The following MSN variants were observed in gnomAD, a reference collection of about 807,000 sequenced individuals.
MSN encodes epididymis luminal protein 70.
Under a neutral mutation model 48.0 loss-of-function variants are expected in MSN, and 2 were observed. The observed-to-expected ratio is 0.04, with a 90% CI of 0.02 to 0.13. The LOEUF (loss-of-function observed/expected upper bound fraction) is 0.13. MSN is among the 10% of genes least tolerant of loss of function. The pLI, the probability that MSN is intolerant of heterozygous loss-of-function variation, is 1.00. For synonymous variants in MSN, 146 were observed against 166.9 expected (o/e 0.87, Z 0.97); for missense variants, 267 against 470.1 (o/e 0.57, Z 3.99).
chrX:65,605,282 G>A (rs1003716291), intron 1 of MSN, among the ~76,000 whole-genome samples: 3 of 112,472 alleles, frequency 2.7e-5, no homozygotes, highest in African/African-American at 9.7e-5. Context: ...CAGGTAGCAA[G>A]CCAGAAATCT....
intron 1 of MSN, among the ~76,000 whole-genome samples, chrX:65,613,170 C>G (rs140226580): frequency 6.2e-4 from 70 of 112,826 alleles, no homozygotes; most frequent in African/African-American, 2.2e-3. Context: ...ATGATGGTTT[C>G]CAGCTTCATC....
At position 65,730,457 on chromosome X, in the gene MSN, C is replaced by T. The variant is rs1216958554; in HGVS notation, c.468-650C>T. ...AAGCTTTGCTTCATTCTGGGAGCCT[C>T]AGTCCCATTGGAGTTATGGCATATA... is the stretch of plus-strand genomic sequence containing the variant. On this transcript the variant is annotated intron_variant, in intron 4 of 12. Transcript: ENST00000360270. 1.3e-4 allele frequency among the ~76,000 whole-genome samples: 15 copies of T among 111,490 alleles called. No homozygotes were observed. In the East Asian group the frequency reaches 4.2e-3, roughly 31 times the overall value.
intron 1 of MSN, among the ~76,000 whole-genome samples, chrX:65,648,998 T>C (rs2070717781): frequency 3.6e-5 from 4 of 110,860 alleles, no homozygotes; most frequent in African/African-American, 9.7e-5. Flanking sequence ...AAGATCCCAC[T>C]GTCCGTAAGT....
intron 1 of MSN, among the ~76,000 whole-genome samples, chrX:65,616,897 T>C (rs1444397525): frequency 9.0e-6 from 1 of 111,027 alleles, no homozygotes; most frequent in African/African-American, 3.3e-5. Context: ...ACCTAATTTA[T>C]TGAGAGTTTT....
chrX:65,639,756 T>C (rs190179109), intron 1 of MSN, among the ~76,000 whole-genome samples: 3 of 111,793 alleles, frequency 2.7e-5, no homozygotes, highest in Admixed American at 1.9e-4. Flanking sequence ...AGTCCCTTAC[T>C]ATTTGATGTC....
intron 1 of MSN, among the ~76,000 whole-genome samples, chrX:65,668,660 T>C (rs189804003): frequency 1.3e-4 from 15 of 111,940 alleles, no homozygotes; most frequent in Non-Finnish European, 7.5e-5. Flanking sequence ...CCCCACTGGC[T>C]GTTACGAGAG....
intron 1 of MSN, among the ~76,000 whole-genome samples, chrX:65,615,688 G>A (rs1448294863): frequency 9.4e-6 from 1 of 106,134 alleles, no homozygotes; most frequent in African/African-American, 3.5e-5. Context: ...TTCTTTTGCT[G>A]TGCAGAAGCT....
chrX:65,659,222 G>C (rs1330074158), intron 1 of MSN, among the ~76,000 whole-genome samples: 1 of 108,794 alleles, frequency 9.2e-6, no homozygotes, highest in African/African-American at 3.4e-5. Flanking sequence ...TGCAATCTTG[G>C]CTTACTGCAA....
chrX:65,702,598 G>C (rs1398111802), intron 1 of MSN, among the ~76,000 whole-genome samples: 2 of 110,728 alleles, frequency 1.8e-5, no homozygotes, highest in African/African-American at 6.6e-5. Flanking sequence ...CCCGGGAGAC[G>C]GGGGTTGCAG....
At chrX:65,654,769 T>TG (rs1298984356) in intron 1 of MSN, among the ~76,000 whole-genome samples, 12 of 111,608 alleles carry the variant, frequency 1.1e-4, no homozygotes, top group East Asian at 8.5e-4. Flanking sequence ...TGTGCTCTCA[T>TG]GGAGGTCTTA....
chrX:65,674,239 G>A (rs1418092105), intron 1 of MSN, among the ~76,000 whole-genome samples: 1 of 111,580 alleles, frequency 9.0e-6, no homozygotes, highest in Admixed American at 9.5e-5. Context: ...AAACTTTAGA[G>A]AGTAATTTCT....
intron 1 of MSN, among the ~76,000 whole-genome samples, chrX:65,689,857 T>C (rs1316542608): frequency 8.9e-6 from 1 of 112,411 alleles, no homozygotes; most frequent in Non-Finnish European, 1.9e-5. Context: ...CAATACATTT[T>C]AATTTTTTTT....
rs185999649 is a variant in MSN, at chrX:65,646,839, C to T, written c.-22+58227C>T. ...GTGCATGCCTGTAATCCCAGCTACT[C>T]GAGAGGCTGAGGCAGGAGAATCTCT... On this transcript the variant is annotated intron_variant, in intron 1 of 3. Coordinates refer to the MSN transcript ENST00000609672. 2.9e-4 allele frequency among the ~76,000 whole-genome samples: 32 copies of T among 111,005 alleles called. No individual in the cohort carries two copies. The East Asian group carries it at 8.3e-3, about 29-fold the overall frequency.
intron 1 of MSN, among the ~76,000 whole-genome samples, chrX:65,613,712 T>G (rs1054178782): frequency 8.9e-6 from 1 of 112,307 alleles, no homozygotes; most frequent in African/African-American, 3.2e-5. Flanking sequence ...CACTTTTTGA[T>G]GGGGTTGTTT....
chrX:65,672,685 G>A (rs1269624744), intron 1 of MSN, among the ~76,000 whole-genome samples: 1 of 111,476 alleles, frequency 9.0e-6, no homozygotes, highest in African/African-American at 3.3e-5. Flanking sequence ...AGTAAAGTGA[G>A]CCAAATGAAG....
At chrX:65,651,128 T>C (rs1453090456) in intron 1 of MSN, among the ~76,000 whole-genome samples, 1 of 110,419 alleles carries the variant, frequency 9.1e-6, no homozygotes, top group Non-Finnish European at 1.9e-5. Context: ...TAATAGGTTT[T>C]GAAAATTAGA....
chrX:65,663,885 C>T (rs917382039), upstream of MSN, among the ~76,000 whole-genome samples: 3 of 108,919 alleles, frequency 2.8e-5, no homozygotes, highest in Non-Finnish European at 5.7e-5. Context: ...GGTGAAACCC[C>T]GTCTCTACTA....
At chrX:65,589,556 T>G (rs1484716745) in intron 1 of MSN, 1 of 112,545 alleles carries the variant, frequency 8.9e-6, no homozygotes, top group African/African-American at 3.2e-5. Flanking sequence ...TCTGTGGATC[T>G]CAGCCCCCTT....
At chrX:65,628,932 G>A (rs1337275688) in intron 1 of MSN, among the ~76,000 whole-genome samples, 1 of 109,306 alleles carries the variant, frequency 9.1e-6, no homozygotes, top group Non-Finnish European at 1.9e-5. Flanking sequence ...CAGGCGTGAT[G>A]GCGGGTATCT....
Sources: gnomAD v4.1 joint callset for allele counts (sites outside exome capture counted in the v4.1 genomes callset) on GRCh38, gnomAD v4.1.1 for gene constraint, MANE v1.5 for transcripts, NCBI Gene and HGNC (gene_info 2026-07-23, HGNC 2026-07-21) for gene names.